CD53: variants seen among roughly 807,000 people sequenced by gnomAD.
CD53 encodes the protein leukocyte surface antigen CD53.
Under a neutral mutation model 27.3 loss-of-function variants are expected in CD53, and 20 were observed. The observed-to-expected ratio is 0.73, with a 90% CI of 0.52 to 1.07. The LOEUF (loss-of-function observed/expected upper bound fraction) is 1.07, where lower values mean the gene tolerates loss of function less well. Among genes scored for constraint, CD53 ranks in the 50% least tolerant of loss-of-function variants. CD53 has a pLI of 0.00. For synonymous variants in CD53, 106 were observed against 105.3 expected (o/e 1.01, Z -0.04); for missense variants, 216 against 264.0 (o/e 0.82, Z 1.26).
chr1:110,894,958 A>G lies in CD53; in HGVS notation c.328-2A>G. On this transcript the variant is annotated splice_acceptor_variant, in intron 4 of 7. Coordinates refer to ENST00000271324, the MANE Select transcript of CD53 (RefSeq NM_000560.4). LOFTEE classifies it high-confidence loss of function. ...CTCCTCTGCTGGAATGTGCCTGCCC[A>G]GCTGAATGAGTATGTGGCTAAGGGT... is the stretch of plus-strand genomic sequence containing the variant. 1 of 1,612,822 alleles carries G rather than the reference A, an allele frequency of 6.2e-7. No homozygotes were observed. Among genetic ancestry groups the G allele is most frequent in the East Asian group, 2.2e-5 (1 of 44,876 alleles).
In CD53 at chr1:110,899,258, C is replaced by A; in HGVS notation, c.*63C>A. The A allele has an allele frequency of 8.5e-7, 1 of 1,170,640 alleles. No individual in the cohort carries two copies. The highest frequency in any genetic ancestry group is 1.3e-6 in the Non-Finnish European group (1 of 779,266). The allele number at this position is 1,170,640 out of a possible 1,614,324, so 72.5% of individuals were successfully genotyped here. ...TCCGGAAATGCAAAACCATTTATAG[C>A]ATGAAGCCCTACATGATCACTGCAG... On this transcript the variant is annotated 3_prime_UTR_variant, in exon 8 of 8. Transcript: ENST00000271324.
Position 110,892,279 on chromosome 1 carries a change from G to A in CD53, c.64-66G>A, listed in dbSNP as rs562263819. ...AAAGTGATTCTGATCTCAAGGAAGT[G>A]AGAATATGAGGAGATACCCAAGAAC... On this transcript the variant is annotated intron_variant, in intron 2 of 7. Coordinates refer to ENST00000271324, the MANE Select transcript of CD53 (RefSeq NM_000560.4). 65 of 1,077,540 alleles carry A rather than the reference G, an allele frequency of 6.0e-5. 1 individual carries two copies. In the East Asian group the frequency reaches 1.5e-3, roughly 25 times the overall value. The allele number at this position is 1,077,540 out of a possible 1,614,324, so 66.7% of individuals were successfully genotyped here. A position where few individuals can be genotyped will look rare whatever the true frequency, so the allele number is the denominator to read the frequency against.
chr1:110,889,574 A>ATAAG (rs1198977822), intron 1 of CD53, among the ~76,000 whole-genome samples: 4 of 151,778 alleles, frequency 2.6e-5, no homozygotes, highest in African/African-American at 9.7e-5. Flanking sequence ...AAATAAATAA[A>ATAAG]TAAATAAATA....
chr1:110,879,566 T>C (rs1494320), intron 1 of CD53, among the ~76,000 whole-genome samples: 32,595 of 152,108 alleles, frequency 0.21, 4,314 homozygotes, highest in Middle Eastern at 0.37. Context: ...TTACACTGTT[T>C]TTTTTTCTTT....
chr1:110,874,816 G>C lies in CD53; in HGVS notation c.-18+1568G>C, dbSNP rs556964685. Reference sequence around the variant, plus strand: ...AAACTGGAAAGGACAAAGTCTGTTGGTCCTTGGTTTTTTGTGCCCTCTGAT... The same window carrying C: ...AAACTGGAAAGGACAAAGTCTGTTGCTCCTTGGTTTTTTGTGCCCTCTGAT... On this transcript the variant is annotated intron_variant, in intron 1 of 7. Transcript: ENST00000271324. Among the ~76,000 whole-genome samples the C allele has an allele frequency of 1.1e-4, 16 of 152,280 alleles. No homozygotes were observed. In the South Asian group the frequency reaches 3.1e-3, roughly 30 times the overall value.
Position 110,899,210 on chromosome 1 carries a change from G to A in CD53, c.*15G>A, listed in dbSNP as rs763351249. The A allele has an allele frequency of 3.2e-6, 5 of 1,581,696 alleles. No individual in the cohort carries two copies. In the South Asian group the frequency reaches 5.5e-5, roughly 17 times the overall value. ...TAGGGCTATGATCTGCAGTAGTCCT[G>A]TGGTGAAGAGACTTGTTTCATCTCC... On this transcript the variant is annotated 3_prime_UTR_variant, in exon 8 of 8. Transcript: ENST00000271324.
At chr1:110,876,821 T>C (rs1325876023) in intron 1 of CD53, among the ~76,000 whole-genome samples, 3 of 152,204 alleles carry the variant, frequency 2.0e-5, no homozygotes, top group Admixed American at 2.0e-4. Context: ...AAAAATATTA[T>C]GAAAAATTTC....
chr1:110,891,559 T>TA, intron 2 of CD53, 88 bp downstream of exon 2: 1 of 968,550 alleles, frequency 1.0e-6, no homozygotes, highest in Non-Finnish European at 1.7e-6. Context: ...TGGTGTGGGG[T>TA]AAAATGCATG....
At chr1:110,874,102 C>T (rs1330368917) in intron 1 of CD53, among the ~76,000 whole-genome samples, 1 of 152,220 alleles carries the variant, frequency 6.6e-6, no homozygotes, top group African/African-American at 2.4e-5. Flanking sequence ...TAAGAGCTTT[C>T]TTCTTCCAAG....
chr1:110,886,792 C>T (rs927141652), intron 1 of CD53, among the ~76,000 whole-genome samples: 14 of 149,170 alleles, frequency 9.4e-5, no homozygotes, highest in African/African-American at 3.4e-4. Flanking sequence ...CTGCCGTGAG[C>T]CAAGATCACG....
chr1:110,877,393 G>A (rs538139097), intron 1 of CD53, among the ~76,000 whole-genome samples: 1 of 152,162 alleles, frequency 6.6e-6, no homozygotes, highest in Non-Finnish European at 1.5e-5. Flanking sequence ...GAGGGACCCC[G>A]TATGTAAAGT....
rs559283071 is a variant in CD53, at chr1:110,895,380, C to T, written c.423+325C>T. On this transcript the variant is annotated intron_variant, in intron 5 of 7. Transcript: ENST00000271324. ...TTTTACTGAAAACAGCATTGTATAACACAAGAAATTGCCATTGAGTTCCCG... is the reference window on the plus strand; with the variant it reads ...TTTTACTGAAAACAGCATTGTATAATACAAGAAATTGCCATTGAGTTCCCG... Among the ~76,000 whole-genome samples the T allele has an allele frequency of 2.2e-3, 334 of 152,306 alleles. 2 individuals carry two copies. The highest frequency in any genetic ancestry group is 7.2e-3 in the African/African-American group (300 of 41,578).
intron 4 of CD53, 90 bp from the exon 5 acceptor site, chr1:110,894,870 G>A: frequency 1.0e-6 from 1 of 967,676 alleles, no homozygotes; most frequent in Non-Finnish European, 1.7e-6. Context: ...GGAAGCGCAA[G>A]TGGAACCACT....
intron 1 of CD53, among the ~76,000 whole-genome samples, chr1:110,879,432 A>G (rs1318202692): frequency 6.6e-6 from 1 of 152,258 alleles, no homozygotes; most frequent in Non-Finnish European, 1.5e-5. Context: ...TGTGTTCCAC[A>G]GAATACTATG....
At chr1:110,890,757 A>G (rs751060436) in intron 1 of CD53, among the ~76,000 whole-genome samples, 14 of 152,274 alleles carry the variant, frequency 9.2e-5, no homozygotes, top group Non-Finnish European at 1.9e-4. Flanking sequence ...CCCATTGCAT[A>G]TTTGTTGGCT....
intron 1 of CD53, among the ~76,000 whole-genome samples, chr1:110,882,947 T>C (rs1036789088): frequency 1.3e-5 from 2 of 152,082 alleles, no homozygotes; most frequent in African/African-American, 4.8e-5. Flanking sequence ...TTAGTTCTAG[T>C]AGTATTTTTG....
chr1:110,882,103 A>G (rs573452355), intron 1 of CD53, among the ~76,000 whole-genome samples: 1 of 152,284 alleles, frequency 6.6e-6, no homozygotes, highest in African/African-American at 2.4e-5. Context: ...TTTGAAGAGC[A>G]GAAGTTTTTA....
At position 110,895,034 on chromosome 1, in the gene CD53, G is replaced by A. The variant is rs752405238; in HGVS notation, c.402G>A (p.Ala134=). Residue 134 remains alanine (A), a synonymous_variant, in exon 5 of 8, where the codon GCG becomes GCA. Transcript: ENST00000271324. ...ACTCAGACAATAGCACCAAGGCAGC[G>A]TGGGACTCCATCCAGTCATTTGTGA... ...RYHSDNSTKA[A]WDSIQSFLQC... 1.9e-5 allele frequency: 31 copies of A among 1,613,416 alleles called. No individual in the cohort carries two copies. Among genetic ancestry groups the A allele is most frequent in the Non-Finnish European group, 2.1e-5 (25 of 1,179,550 alleles).
intron 3 of CD53, 116 bp downstream of exon 3, chr1:110,892,649 T>C (rs1009564001): frequency 2.2e-5 from 19 of 880,578 alleles, no homozygotes; most frequent in African/African-American, 1.3e-4. Flanking sequence ...GAAAATGAGA[T>C]TGGTACCTCA....
Sources: gnomAD v4.1 joint callset for allele counts (sites outside exome capture counted in the v4.1 genomes callset) on GRCh38, gnomAD v4.1.1 for gene constraint, MANE v1.5 for transcripts, NCBI Gene and HGNC (gene_info 2026-07-23, HGNC 2026-07-21) for gene names.